Variants in BAZ1B observed in about 807,000 individuals in gnomAD.
BAZ1B encodes bromodomain adjacent to zinc finger domain 1B.
In BAZ1B, 22 loss-of-function variants were observed where a neutral mutation model predicts 153.8. The ratio of observed to expected loss-of-function variants is 0.14; its 90% confidence interval spans 0.10 to 0.20. BAZ1B has a LOEUF of 0.20. BAZ1B is among the 10% of genes least tolerant of loss of function. BAZ1B has a pLI of 1.00. For synonymous variants in BAZ1B, 676 were observed against 633.4 expected, an observed-to-expected ratio of 1.07 and a Z score of -1.01; for missense variants, 1,325 against 1,799.3, an observed-to-expected ratio of 0.74 and a Z score of 4.77.
At chr7:73,446,962 G>A (rs565380750) in intron 16 of BAZ1B, among the ~76,000 whole-genome samples, 26 of 152,362 alleles carry the variant, frequency 1.7e-4, no homozygotes, top group Middle Eastern at 3.4e-3. Flanking sequence ...CCCATATGCC[G>A]AGGAGCTGAG....
intron 17 of BAZ1B, 122 bp downstream of exon 17, chr7:73,443,862 A>G: frequency 6.8e-7 from 1 of 1,467,426 alleles, no homozygotes; most frequent in South Asian, 1.2e-5. Flanking sequence ...CAGCCTCCCA[A>G]GTTTGGTAAG....
chr7:73,465,531 TA>T lies in BAZ1B; in HGVS notation c.2978del (p.Leu993TyrfsTer12). 6.3e-7 allele frequency: 1 copy of T among 1,578,632 alleles called. No homozygotes were observed. Among genetic ancestry groups the T allele is most frequent in the Non-Finnish European group, 8.6e-7 (1 of 1,163,504 alleles). ...CATCCAGCTCCTTTTGACTATCACA[TA>T]AAAACCTGTAGGGGCAAAAGAGACC... Reference protein sequence around the residue: ...TPKQGQNLWFLCDSQKELDEL... With the variant: ...TPKQGQNLWFXCDSQKELDEL... On this transcript the variant is annotated frameshift_variant, in exon 11 of 20. Coordinates refer to ENST00000339594, the MANE Select transcript of BAZ1B (RefSeq NM_032408.4). LOFTEE classifies it high-confidence loss of function.
rs1317082870 is a variant in BAZ1B at position 73,450,297 on chromosome 7, C to T, written c.3580+550G>A. ...CAACTTAATATGGTAATCTCTCCTT[C>T]CAACCTTCATTCTAGAGCGATTGAA... On this transcript the variant is annotated intron_variant, in intron 14 of 19. Coordinates refer to ENST00000339594, the MANE Select transcript of BAZ1B (RefSeq NM_032408.4). The surrounding 1 kb of genome is among the most constrained non-coding windows in gnomAD (Gnocchi z 4.1). 6.6e-6 allele frequency among the ~76,000 whole-genome samples: 1 copy of T among 152,202 alleles called. No individual in the cohort carries two copies. The highest frequency in any genetic ancestry group is 6.5e-5 in the Admixed American group (1 of 15,282).
intron 1 of BAZ1B, among the ~76,000 whole-genome samples, chr7:73,516,687 A>C (rs1790810613): frequency 7.0e-6 from 1 of 142,726 alleles, no homozygotes; most frequent in African/African-American, 2.5e-5. Flanking sequence ...AGGCAGGAGA[A>C]TTGCTCGAAG....
intron 4 of BAZ1B, among the ~76,000 whole-genome samples, chr7:73,497,572 T>C (rs1789965721): frequency 6.6e-6 from 1 of 151,448 alleles, no homozygotes; most frequent in African/African-American, 2.4e-5. Context: ...ACCTAACTCT[T>C]TGTTCTTTTT....
chr7:73,490,519 T>C (rs536250244), intron 5 of BAZ1B, among the ~76,000 whole-genome samples: 1 of 152,338 alleles, frequency 6.6e-6, no homozygotes, highest in East Asian at 1.9e-4. Context: ...TCTTTCTTCC[T>C]GTAACCAATA....
In BAZ1B at chr7:73,465,436, T is replaced by C. The variant is rs376586599; in HGVS notation, c.3071+3A>G. On this transcript the variant is annotated splice_donor_region_variant and intron_variant, in intron 11 of 19. Coordinates refer to ENST00000339594, the MANE Select transcript of BAZ1B (RefSeq NM_032408.4). ...TGTGAGGAGTAAGATGAAAACCTCT[T>C]ACCTCTTCTCTAGTCTCTCTTTAAG... 243 of 1,577,386 alleles carry C rather than the reference T, an allele frequency of 1.5e-4. No homozygotes were observed. The African/African-American group carries it at 2.7e-3, about 18-fold the overall frequency.
chr7:73,515,907 G>C (rs932833256), intron 1 of BAZ1B, among the ~76,000 whole-genome samples: 18 of 152,168 alleles, frequency 1.2e-4, no homozygotes, highest in Non-Finnish European at 2.4e-4. Flanking sequence ...CACTTTGGGA[G>C]GCAGAGGGGA....
intron 16 of BAZ1B, among the ~76,000 whole-genome samples, chr7:73,444,981 T>C (rs1787775790): frequency 1.3e-5 from 2 of 151,892 alleles, no homozygotes; most frequent in Middle Eastern, 3.2e-3. Flanking sequence ...GCCACTGCAC[T>C]CCAGCCTGGG....
intron 6 of BAZ1B, among the ~76,000 whole-genome samples, chr7:73,482,506 A>G (rs1789241180): frequency 6.6e-6 from 1 of 152,238 alleles, no homozygotes; most frequent in Non-Finnish European, 1.5e-5. Flanking sequence ...TCATCCTAAA[A>G]TGAAATTTAT....
At chr7:73,454,475 T>C (rs531741035) in intron 13 of BAZ1B, among the ~76,000 whole-genome samples, 1 of 152,276 alleles carries the variant, frequency 6.6e-6, no homozygotes, top group East Asian at 1.9e-4. Flanking sequence ...ATCTCCCCCA[T>C]ATCACATATC....
intron 10 of BAZ1B, among the ~76,000 whole-genome samples, chr7:73,465,993 A>T (rs1287816872): frequency 1.3e-5 from 2 of 152,248 alleles, no homozygotes; most frequent in Non-Finnish European, 2.9e-5. Flanking sequence ...GGAAAATCTT[A>T]AATACTTCTA....
intron 1 of BAZ1B, among the ~76,000 whole-genome samples, chr7:73,511,864 T>TA (rs1790591996): frequency 1.0e-4 from 12 of 118,412 alleles, no homozygotes; most frequent in South Asian, 7.9e-4. Flanking sequence ...CTACTAAAAA[T>TA]CAAAAAAAAA....
chr7:73,492,631 AT>A (rs1554575714), intron 5 of BAZ1B, among the ~76,000 whole-genome samples, 168 bp downstream of exon 5: 2 of 152,256 alleles, frequency 1.3e-5, no homozygotes, highest in Non-Finnish European at 2.9e-5. Flanking sequence ...GAAAGAAAAT[AT>A]AATTTACATT....
chr7:73,476,749 C>T, intron 7 of BAZ1B, 119 bp downstream of exon 7: 2 of 1,460,098 alleles, frequency 1.4e-6, no homozygotes, highest in Non-Finnish European at 1.8e-6. Context: ...CCAATAGGTG[C>T]TGGGTTATTA....
At chr7:73,466,192 C>T in intron 10 of BAZ1B, 104 bp downstream of exon 10, 1 of 787,574 alleles carries the variant, frequency 1.3e-6, no homozygotes, top group Non-Finnish European at 2.0e-6. Context: ...ACAAAGTATC[C>T]TGCGCAAATA....
intron 5 of BAZ1B, among the ~76,000 whole-genome samples, chr7:73,492,509 A>C (rs1045159782): frequency 6.6e-6 from 1 of 152,200 alleles, no homozygotes; most frequent in African/African-American, 2.4e-5. Context: ...TGGAAAGTCC[A>C]TAACTGCTGG....
chr7:73,497,949 GTTTT>G (rs576417617), intron 4 of BAZ1B, among the ~76,000 whole-genome samples: 4 of 140,710 alleles, frequency 2.8e-5, no homozygotes, highest in African/African-American at 7.8e-5. Flanking sequence ...TTTGTGTTTT[GTTTT>G]TTTTTTTTTG....
At chr7:73,465,278 T>C (rs984109124) in intron 11 of BAZ1B, among the ~76,000 whole-genome samples, 161 bp downstream of exon 11, 1 of 152,136 alleles carries the variant, frequency 6.6e-6, no homozygotes, top group Non-Finnish European at 1.5e-5. Flanking sequence ...CCAATAAGCA[T>C]AATATGCCAA....
Sources: allele counts gnomAD v4.1 joint callset (sites outside exome capture counted in the v4.1 genomes callset), GRCh38; gene constraint gnomAD v4.1.1; non-coding constraint Gnocchi (gnomAD v3.1); transcripts MANE v1.5; gene names NCBI Gene and HGNC (gene_info 2026-07-23, HGNC 2026-07-21).